SCMH1: variants seen among roughly 807,000 people sequenced by gnomAD.
The protein encoded by SCMH1 is Scm polycomb group protein homolog 1, also known as polycomb protein SCMH1.
A neutral mutation model predicts 70.8 loss-of-function variants in SCMH1; 37 were observed. That is an observed-to-expected ratio of 0.52 (90% CI 0.40 to 0.69). SCMH1 has a LOEUF of 0.69. Ranked by LOEUF, SCMH1 falls within the 30% of genes least tolerant of loss-of-function variation. SCMH1 has a pLI of 0.00. For synonymous variants in SCMH1, 292 were observed against 307.4 expected (o/e 0.95, Z 0.52); for missense variants, 607 against 827.3 (o/e 0.73, Z 3.27).
At chr1:41,076,538 AT>A (rs1658335712) in intron 8 of SCMH1, among the ~76,000 whole-genome samples, 1 of 152,220 alleles carries the variant, frequency 6.6e-6, no homozygotes, top group Non-Finnish European at 1.5e-5. Flanking sequence ...AATTAAAAAA[AT>A]AACACAATAT....
At chr1:41,120,337 T>C (rs1671610744) in intron 6 of SCMH1, among the ~76,000 whole-genome samples, 1 of 152,202 alleles carries the variant, frequency 6.6e-6, no homozygotes, top group African/African-American at 2.4e-5. Flanking sequence ...ACATTTTATA[T>C]GCCATTTCTT....
chr1:41,184,393 G>A (rs1004267284), intron 2 of SCMH1, among the ~76,000 whole-genome samples: 3 of 152,022 alleles, frequency 2.0e-5, no homozygotes, highest in African/African-American at 7.2e-5. Flanking sequence ...GTCCACAAAG[G>A]GAGTAAATCT....
At chr1:41,148,685 A>C (rs1644803375) in intron 5 of SCMH1, among the ~76,000 whole-genome samples, 1 of 152,048 alleles carries the variant, frequency 6.6e-6, no homozygotes, top group South Asian at 2.1e-4. Flanking sequence ...TTCTCTATCA[A>C]TGGTTTTGTG....
At chr1:41,032,350 G>A (rs952777434) in intron 13 of SCMH1, among the ~76,000 whole-genome samples, 30 of 152,186 alleles carry the variant, frequency 2.0e-4, no homozygotes, top group South Asian at 2.1e-4. Flanking sequence ...AGATGTCTCC[G>A]AAATGATGAA....
At chr1:41,046,471 A>G (rs778932282) in exon 12 of SCMH1, 6 of 1,614,084 alleles carry the variant, frequency 3.7e-6, no homozygotes, top group Non-Finnish European at 5.1e-6. Flanking sequence ...GAGTCTGTGT[A>G]AAGGGCTGGT....
chr1:41,105,562 C>T (rs1667684934), intron 8 of SCMH1, among the ~76,000 whole-genome samples: 1 of 152,144 alleles, frequency 6.6e-6, no homozygotes, highest in Non-Finnish European at 1.5e-5. Flanking sequence ...CTCATAAATA[C>T]TTACACTGAA....
intron 2 of SCMH1, among the ~76,000 whole-genome samples, chr1:41,185,085 C>T (rs1649809180): frequency 6.6e-6 from 1 of 152,134 alleles, no homozygotes; most frequent in Non-Finnish European, 1.5e-5. Context: ...TTCAATTTGA[C>T]ATTTAAATTC....
At chr1:41,126,582 T>C (rs1557560680) in intron 6 of SCMH1, among the ~76,000 whole-genome samples, 1 of 152,200 alleles carries the variant, frequency 6.6e-6, no homozygotes, top group Non-Finnish European at 1.5e-5. Context: ...ATGCATACTT[T>C]CATATGTTAT....
intron 2 of SCMH1, among the ~76,000 whole-genome samples, chr1:41,162,577 G>A (rs1646126149): frequency 6.6e-6 from 1 of 152,216 alleles, no homozygotes; most frequent in South Asian, 2.1e-4. Flanking sequence ...CAATCTGCCT[G>A]CAGAAAGAAG....
At chr1:41,074,477 A>G (rs1657568109) in intron 9 of SCMH1, among the ~76,000 whole-genome samples, 2 of 152,172 alleles carry the variant, frequency 1.3e-5, no homozygotes, top group Admixed American at 1.3e-4. Context: ...CTTAGTAGGT[A>G]TTCAATTTTT....
intron 4 of SCMH1, among the ~76,000 whole-genome samples, chr1:41,152,283 G>A (rs2148339679): frequency 6.6e-6 from 1 of 152,336 alleles, no homozygotes; most frequent in East Asian, 1.9e-4. Context: ...CCACCGCTGT[G>A]TTGCTCTGGG....
At chr1:41,223,337 T>C (rs922285886) in intron 1 of SCMH1, among the ~76,000 whole-genome samples, 2 of 152,214 alleles carry the variant, frequency 1.3e-5, no homozygotes, top group Admixed American at 6.5e-5. Flanking sequence ...AACTGTCCTA[T>C]GGGTATTGAC....
intron 1 of SCMH1, among the ~76,000 whole-genome samples, chr1:41,230,198 A>C (rs1661038634): frequency 6.6e-6 from 1 of 152,162 alleles, no homozygotes; most frequent in Non-Finnish European, 1.5e-5. Flanking sequence ...TAGGGTACAA[A>C]AGTAGACACA....
At chr1:41,104,525 T>C (rs1404784118) in intron 8 of SCMH1, among the ~76,000 whole-genome samples, 1 of 152,250 alleles carries the variant, frequency 6.6e-6, no homozygotes, top group Non-Finnish European at 1.5e-5. Context: ...TGGTGACAGA[T>C]ATCCCAATGA....
chr1:41,105,553 T>C (rs1219693421), intron 8 of SCMH1, among the ~76,000 whole-genome samples: 2 of 152,204 alleles, frequency 1.3e-5, no homozygotes, highest in African/African-American at 4.8e-5. Context: ...TTTTAGCTCC[T>C]CATAAATACT....
intron 1 of SCMH1, among the ~76,000 whole-genome samples, chr1:41,238,354 G>A (rs1662808524): frequency 6.6e-6 from 1 of 152,134 alleles, no homozygotes; most frequent in Non-Finnish European, 1.5e-5. Context: ...AGACTCTTCA[G>A]AGCAAACAGA....
At chr1:41,141,961 C>T (rs568050412) in intron 6 of SCMH1, among the ~76,000 whole-genome samples, 2 of 152,200 alleles carry the variant, frequency 1.3e-5, no homozygotes, top group African/African-American at 4.8e-5. Flanking sequence ...CAGAGACATA[C>T]TAAATACTTT....
intron 6 of SCMH1, among the ~76,000 whole-genome samples, chr1:41,136,529 G>A (rs1271805011): frequency 2.0e-4 from 31 of 151,388 alleles, no homozygotes; most frequent in African/African-American, 7.0e-4. Context: ...ATGCACCACC[G>A]TGCCCAGCTA....
chr1:41,049,100 G>A (rs76507595), intron 10 of SCMH1, among the ~76,000 whole-genome samples: 4,825 of 152,334 alleles, frequency 0.032, 125 homozygotes, highest in South Asian at 0.093. Flanking sequence ...CATGATCAAA[G>A]TCTGTGGGAA....
Sources: gnomAD v4.1 joint callset for allele counts (sites outside exome capture counted in the v4.1 genomes callset) on GRCh38, gnomAD v4.1.1 for gene constraint, MANE v1.5 for transcripts, NCBI Gene and HGNC (gene_info 2026-07-23, HGNC 2026-07-21) for gene names.